Variants in UGT1A7 observed in about 807,000 individuals in gnomAD.
UGT1A7 encodes the protein UDP glucuronosyltransferase family 1 member A7, also known as UDP-glucuronosyltransferase 1A7.
A neutral mutation model predicts 45.6 loss-of-function variants in UGT1A7; 33 were observed. The observed-to-expected ratio is 0.72, with a 90% CI of 0.55 to 0.97. UGT1A7 has a LOEUF of 0.97. Among genes scored for constraint, UGT1A7 ranks in the 50% least tolerant of loss-of-function variants. The pLI is 0.00. For missense variants in UGT1A7, 684 were observed against 666.2 expected (o/e 1.03, Z -0.29); for synonymous variants, 274 against 250.6 (o/e 1.09, Z -0.88).
At chr2:233,749,420 T>C (rs1003222005) in intron 1 of UGT1A7, among the ~76,000 whole-genome samples, 1 of 151,886 alleles carries the variant, frequency 6.6e-6, no homozygotes, top group Admixed American at 6.5e-5. Flanking sequence ...ACTACATTGC[T>C]CAAAACTTCA....
In UGT1A7 at chr2:233,682,009, G is replaced by A. The variant is rs779022802; in HGVS notation, c.72G>A (p.Lys24=). The part of the protein sequence containing the change: ...VCLLLTCGFA[K]AGKLLVVPMD... ...TACTGCTGACCTGTGGCTTTGCCAA[G>A]GCAGGGAAGCTGCTGGTAGTGCCCA... The change falls in exon 1 of 5, where the codon AAG becomes AAA. Residue 24 remains lysine, a synonymous_variant. Coordinates refer to ENST00000373426, the MANE Select transcript of UGT1A7 (RefSeq NM_019077.3). The A allele has an allele frequency of 2.5e-6, 4 of 1,614,122 alleles. No individual in the cohort carries two copies. Among genetic ancestry groups the A allele is most frequent in the Non-Finnish European group, 3.4e-6 (4 of 1,180,014 alleles).
At chr2:233,717,209 CG>C (rs1559362356) in intron 1 of UGT1A7, among the ~76,000 whole-genome samples, 1 of 152,166 alleles carries the variant, frequency 6.6e-6, no homozygotes, top group African/African-American at 2.4e-5. Flanking sequence ...ACCCTCACCC[CG>C]GGCTCATCAG....
chr2:233,767,172 A>G lies in UGT1A7; in HGVS notation c.987+7A>G, dbSNP rs375883067. On this transcript the variant is annotated splice_region_variant and intron_variant, in intron 2 of 4. Coordinates refer to ENST00000373426, the MANE Select transcript of UGT1A7 (RefSeq NM_019077.3). The stretch of plus-strand genomic sequence containing the variant: ...GGGCAAAATCCCTCAGACAGTAAGA[A>G]GATTCTATACCATGGCCTCATATCT... The G allele has an allele frequency of 1.2e-6, 2 of 1,614,098 alleles. No individual in the cohort carries two copies. The highest frequency in any genetic ancestry group is 3.3e-5 in the Admixed American group (2 of 60,024).
chr2:233,710,234 T>C (rs1256330216), intron 1 of UGT1A7, among the ~76,000 whole-genome samples: 1 of 152,254 alleles, frequency 6.6e-6, no homozygotes, highest in East Asian at 1.9e-4. Flanking sequence ...CTATGACTAT[T>C]CGAGTACGAG....
intron 1 of UGT1A7, among the ~76,000 whole-genome samples, chr2:233,733,430 A>G (rs1256868743): frequency 6.6e-6 from 1 of 152,170 alleles, no homozygotes; most frequent in Non-Finnish European, 1.5e-5. Context: ...ACTCAGTATG[A>G]TATTGGCTGC....
chr2:233,737,036 C>T (rs2078836192), intron 1 of UGT1A7, among the ~76,000 whole-genome samples: 1 of 152,178 alleles, frequency 6.6e-6, no homozygotes, highest in Non-Finnish European at 1.5e-5. Flanking sequence ...TCTCAGAGCT[C>T]AAATGCCATA....
chr2:233,736,085 G>C (rs1296774053), intron 1 of UGT1A7, among the ~76,000 whole-genome samples: 1 of 152,146 alleles, frequency 6.6e-6, no homozygotes, highest in African/African-American at 2.4e-5. Flanking sequence ...AGTTCTCCTG[G>C]ATAATATCCT....
At chr2:233,719,521 T>C in intron 1 of UGT1A7, 1 of 1,613,998 alleles carries the variant, frequency 6.2e-7, no homozygotes, top group Non-Finnish European at 8.5e-7. Flanking sequence ...TATGCAAGTC[T>C]TGCCTCTGAG....
intron 1 of UGT1A7, chr2:233,747,579 G>A (rs1304501240): frequency 1.5e-5 from 24 of 1,582,358 alleles, no homozygotes; most frequent in Non-Finnish European, 2.0e-5. Context: ...TTCATCTTTG[G>A]TCTTTCATAG....
At chr2:233,693,701 G>A (rs984756708) in intron 1 of UGT1A7, 3 of 1,614,192 alleles carry the variant, frequency 1.9e-6, no homozygotes, top group South Asian at 1.1e-5. Flanking sequence ...TGAAGAACTC[G>A]CATCAGCTGT....
chr2:233,721,895 C>T lies in UGT1A7; in HGVS notation c.855+39103C>T, dbSNP rs564941516. On this transcript the variant is annotated intron_variant, in intron 1 of 4. Transcript: ENST00000373426. ...CTTGCCAGCCCCTCCATTGCAATAT[C>T]GAAATGGTGCACACTGCTTCCATAA... 5.1e-5 allele frequency: 24 copies of T among 474,852 alleles called. 1 individual carries two copies. Among genetic ancestry groups the T allele is most frequent in the Non-Finnish European group, 8.4e-5 (20 of 237,474 alleles). The allele number at this position is 474,852 out of a possible 1,614,324, so 29.4% of individuals were successfully genotyped here.
intron 1 of UGT1A7, among the ~76,000 whole-genome samples, chr2:233,737,806 C>A (rs575024235): frequency 6.6e-6 from 1 of 152,216 alleles, no homozygotes; most frequent in Non-Finnish European, 1.5e-5. Flanking sequence ...TCACTATCAT[C>A]TCAGTGGAGC....
chr2:233,704,256 C>CT (rs59925871), intron 1 of UGT1A7, among the ~76,000 whole-genome samples: 17,865 of 123,502 alleles, frequency 0.14, 1,649 homozygotes, highest in East Asian at 0.25. Flanking sequence ...GCCTTTATTG[C>CT]TTTTTTTTTT....
intron 1 of UGT1A7, chr2:233,721,729 A>C (rs1210902103): frequency 4.9e-6 from 2 of 408,012 alleles, no homozygotes; most frequent in Non-Finnish European, 9.8e-6. Flanking sequence ...TACTTGGATA[A>C]GCTTAATGAT....
intron 1 of UGT1A7, among the ~76,000 whole-genome samples, chr2:233,763,107 T>C (rs2126002075): frequency 6.6e-6 from 1 of 152,392 alleles, no homozygotes; most frequent in East Asian, 1.9e-4. Context: ...CACCGAACTT[T>C]ATCAGCTGCC....
intron 1 of UGT1A7, among the ~76,000 whole-genome samples, chr2:233,711,923 C>A (rs946379005): frequency 6.6e-6 from 1 of 152,212 alleles, no homozygotes. Context: ...TGCTCAGGGT[C>A]TCTCCATTAG....
intron 1 of UGT1A7, among the ~76,000 whole-genome samples, chr2:233,695,130 C>CTTTTTTTT (rs71398796): frequency 7.2e-6 from 1 of 138,840 alleles, no homozygotes; most frequent in Admixed American, 7.1e-5. Flanking sequence ...CTTTTCTTTT[C>CTTTTTTTT]TTTTTTTTTT....
Position 233,718,831 on chromosome 2 carries a change from G to A in UGT1A7, c.855+36039G>A, listed in dbSNP as rs1317647482. ...GTGGCTTCTGCTGAGATGGCCAGAG[G>A]ACTCCAGGTTCCCCTGCCGCGGCTG... is the stretch of plus-strand genomic sequence containing the variant. On this transcript the variant is annotated intron_variant, in intron 1 of 4. Transcript: ENST00000373426. 1 of 1,613,578 alleles carries A rather than the reference G, an allele frequency of 6.2e-7. No homozygotes were observed. Among genetic ancestry groups the A allele is most frequent in the Non-Finnish European group, 8.5e-7 (1 of 1,179,966 alleles).
intron 1 of UGT1A7, chr2:233,719,459 C>G (rs758684998): frequency 1.9e-6 from 3 of 1,613,896 alleles, no homozygotes. Flanking sequence ...GGGTCAAGAA[C>G]ATGCTCTACC....
Sources: gnomAD v4.1 joint callset for allele counts (sites outside exome capture counted in the v4.1 genomes callset) on GRCh38, gnomAD v4.1.1 for gene constraint, MANE v1.5 for transcripts, NCBI Gene and HGNC (gene_info 2026-07-23, HGNC 2026-07-21) for gene names.